The following MMD2 variants were observed in gnomAD, a reference collection of about 807,000 sequenced individuals.
MMD2 encodes monocyte to macrophage differentiation factor 2.
Under a neutral mutation model 33.5 loss-of-function variants are expected in MMD2, and 30 were observed. The ratio of observed to expected loss-of-function variants is 0.90; its 90% confidence interval spans 0.67 to 1.22. The LOEUF (loss-of-function observed/expected upper bound fraction) is 1.22. Among genes scored for constraint, MMD2 ranks in the 50% most tolerant of loss-of-function variants. The probability of loss-of-function intolerance (pLI) is 0.00; values close to 1 mark genes in which losing one functional copy is unlikely to be tolerated. For missense variants in MMD2, 364 were observed against 325.4 expected (o/e 1.12, Z -0.91); for synonymous variants, 129 against 123.0 (o/e 1.05, Z -0.32).
At chr7:4,914,234 T>C (rs975253816) in intron 4 of MMD2, among the ~76,000 whole-genome samples, 4 of 152,322 alleles carry the variant, frequency 2.6e-5, no homozygotes, top group African/African-American at 9.6e-5. Context: ...TATGTCTGCA[T>C]GACAACCCCA....
intron 2 of MMD2, among the ~76,000 whole-genome samples, chr7:4,922,006 A>G (rs1333171345): frequency 6.7e-6 from 1 of 150,114 alleles, no homozygotes; most frequent in African/African-American, 2.5e-5. Context: ...CAGGAGGATC[A>G]CCTGAGGTCA....
chr7:4,942,329 G>A (rs1024597645), intron 1 of MMD2, among the ~76,000 whole-genome samples: 1 of 151,826 alleles, frequency 6.6e-6, no homozygotes, highest in Admixed American at 6.6e-5. Context: ...CGAATACCTG[G>A]CCTCATGTGA....
At chr7:4,944,501 C>T (rs561049024) in intron 1 of MMD2, among the ~76,000 whole-genome samples, 47 of 152,220 alleles carry the variant, frequency 3.1e-4, no homozygotes, top group Admixed American at 1.7e-3. Context: ...CGATGCTCTC[C>T]GTTTTTCAAC....
chr7:4,896,630 ACT>A, the MMD2 span, among the ~76,000 whole-genome samples: 1 of 152,002 alleles, frequency 6.6e-6, no homozygotes, highest in African/African-American at 2.4e-5. Context: ...TGAGCCGCAG[ACT>A]CTAATTCCTG....
At chr7:4,949,761 C>G (rs988731059) in intron 1 of MMD2, among the ~76,000 whole-genome samples, 1 of 152,142 alleles carries the variant, frequency 6.6e-6, no homozygotes, top group Admixed American at 6.6e-5. Flanking sequence ...CTCAGCCTCC[C>G]AAAGTGCTGG....
intron 1 of MMD2, among the ~76,000 whole-genome samples, chr7:4,942,672 G>A (rs1261708190): frequency 6.6e-6 from 1 of 151,708 alleles, no homozygotes; most frequent in Non-Finnish European, 1.5e-5. Flanking sequence ...GAGTGCGATG[G>A]TGCTATCTCG....
chr7:4,895,769 C>A, the MMD2 span, among the ~76,000 whole-genome samples: 1 of 151,708 alleles, frequency 6.6e-6, no homozygotes, highest in Non-Finnish European at 1.5e-5. Context: ...CTCCTGACCT[C>A]GTGATCTGCC....
chr7:4,922,192 C>T (rs34858681), intron 2 of MMD2, among the ~76,000 whole-genome samples: 11,398 of 152,206 alleles, frequency 0.075, 608 homozygotes, highest in East Asian at 0.23. Flanking sequence ...CGCCACCATA[C>T]TCCAGCCTGG....
chr7:4,909,065 A>T (rs1240772094), intron 6 of MMD2, among the ~76,000 whole-genome samples: 1 of 152,190 alleles, frequency 6.6e-6, no homozygotes, highest in Non-Finnish European at 1.5e-5. Context: ...GCAAACAAAA[A>T]AAAGTAGAGA....
chr7:4,940,855 C>T lies in MMD2; in HGVS notation c.48-15323G>A, dbSNP rs992357294. On this transcript the variant is annotated intron_variant, in intron 1 of 6. Coordinates refer to ENST00000401401, the MANE Select transcript of MMD2 (RefSeq NM_198403.4). This position sits in a 1 kb window ranked among gnomAD's most constrained non-coding sequence, Gnocchi z 5.0. Reference sequence around the variant, plus strand: ...CACTGTGCGTGGCATCCCATGTGAACGGCCCCCTGGGCCTGGGGGTACTGA... The same window carrying T: ...CACTGTGCGTGGCATCCCATGTGAATGGCCCCCTGGGCCTGGGGGTACTGA... Among the ~76,000 whole-genome samples the T allele has an allele frequency of 6.6e-6, 1 of 152,164 alleles. No individual in the cohort carries two copies. The highest frequency in any genetic ancestry group is 2.1e-4 in the South Asian group (1 of 4,830).
At chr7:4,914,736 C>G (rs981055775) in intron 4 of MMD2, among the ~76,000 whole-genome samples, 2 of 151,984 alleles carry the variant, frequency 1.3e-5, no homozygotes, top group African/African-American at 4.8e-5. Context: ...TTTCAGACCA[C>G]CCTGGCCAAC....
chr7:4,920,082 C>G lies in MMD2; in HGVS notation c.290+89G>C, dbSNP rs1475091269. On this transcript the variant is annotated intron_variant, in intron 3 of 6. Coordinates refer to ENST00000401401, the MANE Select transcript of MMD2 (RefSeq NM_198403.4). ...TCAGTGGAGAATGTCACCAGGCAGA[C>G]CGGATATCCTGGTTCACCCCCCGGG... 13 of 1,409,262 alleles carry G rather than the reference C, an allele frequency of 9.2e-6. No individual in the cohort carries two copies. In the East Asian group the frequency reaches 3.2e-4, roughly 35 times the overall value. 87.3% of individuals were successfully genotyped at this position (1,409,262 alleles called of 1,614,324 possible).
At chr7:4,951,871 A>G (rs1786253203) in intron 1 of MMD2, among the ~76,000 whole-genome samples, 1 of 152,150 alleles carries the variant, frequency 6.6e-6, no homozygotes, top group South Asian at 2.1e-4. Flanking sequence ...AGTAGCTGGG[A>G]CTACAGGTAC....
Position 4,920,254 on chromosome 7 carries a change from G to T in MMD2, c.207C>A (p.Ala69=). ...CGCAGAGGCCGAGGCCGTAGATCCA[G>T]GCAGAGATGGTCTCCCAGTCATCGT... The part of the protein sequence containing the change: ...LSDDDWETIS[A]WIYGLGLCGL... Residue 69 remains alanine (A), a synonymous_variant, in exon 3 of 7, where the codon GCC becomes GCA. Transcript: ENST00000401401. 1 of 1,602,932 alleles carries T rather than the reference G, an allele frequency of 6.2e-7. No homozygotes were observed. Among genetic ancestry groups the T allele is most frequent in the Non-Finnish European group, 8.5e-7 (1 of 1,175,314 alleles).
chr7:4,932,266 G>A (rs902987806), intron 1 of MMD2, among the ~76,000 whole-genome samples: 7 of 152,150 alleles, frequency 4.6e-5, no homozygotes, highest in Non-Finnish European at 8.8e-5. Flanking sequence ...AGACAGGGCC[G>A]TGGGCAAACG....
chr7:4,903,133 G>C (rs1784816632), downstream of MMD2, among the ~76,000 whole-genome samples: 1 of 152,176 alleles, frequency 6.6e-6, no homozygotes, highest in African/African-American at 2.4e-5. Context: ...AGCTACTCGA[G>C]AGGCTGAGGC....
intron 1 of MMD2, among the ~76,000 whole-genome samples, chr7:4,930,558 C>T (rs1488302699): frequency 6.6e-6 from 1 of 150,596 alleles, no homozygotes; most frequent in Admixed American, 6.7e-5. Context: ...GCAGGAGAAT[C>T]GCTTGAACCT....
intron 3 of MMD2, among the ~76,000 whole-genome samples, chr7:4,919,806 G>C (rs926557966): frequency 6.6e-6 from 1 of 152,106 alleles, no homozygotes; most frequent in African/African-American, 2.4e-5. Context: ...TGAGGCGGGA[G>C]AATTGCTTGA....
rs367625994 is a variant in MMD2, at chr7:4,919,012, T to C, written c.290+1159A>G. On this transcript the variant is annotated intron_variant, in intron 3 of 6. Coordinates refer to ENST00000401401, the MANE Select transcript of MMD2 (RefSeq NM_198403.4). ...TACTCGGGAGGCTGAGATAAGAGGA[T>C]CGCTTGAGCCCTGGAGGTGGAGGCT... Among the ~76,000 whole-genome samples, 5 of 151,918 alleles carry C rather than the reference T, an allele frequency of 3.3e-5. No individual in the cohort carries two copies. In the South Asian group the frequency reaches 8.3e-4, roughly 25 times the overall value.
Sources: gnomAD v4.1 joint callset for allele counts (sites outside exome capture counted in the v4.1 genomes callset) on GRCh38, gnomAD v4.1.1 for gene constraint, Gnocchi (gnomAD v3.1) non-coding constraint, MANE v1.5 for transcripts, NCBI Gene and HGNC (gene_info 2026-07-23, HGNC 2026-07-21) for gene names.